Variants in ZSWIM7 observed in about 807,000 individuals in gnomAD.
The protein encoded by ZSWIM7 is zinc finger SWIM domain-containing protein 7.
A neutral mutation model predicts 21.1 loss-of-function variants in ZSWIM7; 22 were observed. That is an observed-to-expected ratio of 1.04 (90% CI 0.74 to 1.49). ZSWIM7 has a LOEUF of 1.49. Among genes scored for constraint, ZSWIM7 ranks in the 40% most tolerant of loss-of-function variants. The pLI is 0.00. For synonymous variants in ZSWIM7, 67 were observed against 66.5 expected (o/e 1.01, Z -0.04); for missense variants, 193 against 168.0 (o/e 1.15, Z -0.82).
chr17:15,999,644 A>T lies in ZSWIM7; in HGVS notation c.-50T>A, dbSNP rs1970646923. On this transcript the variant is annotated 5_prime_UTR_variant, in exon 1 of 5. Coordinates refer to ENST00000399277, the MANE Select transcript of ZSWIM7 (RefSeq NM_001042697.2). ...GACCGGCGGACCGCCGCGACGCTCC[A>T]GCTGACTGCGCCTACCTGTGGAGGA... 1.9e-6 allele frequency: 3 copies of T among 1,566,220 alleles called. No homozygotes were observed. Among genetic ancestry groups the T allele is most frequent in the Non-Finnish European group, 2.6e-6 (3 of 1,156,720 alleles).
At position 15,998,285 on chromosome 17, in the gene ZSWIM7, C is replaced by G. The variant is rs577937833; in HGVS notation, c.76+1234G>C. On this transcript the variant is annotated intron_variant, in intron 1 of 4. Transcript: ENST00000399277. ...GCTTTTTTCCCATCCTTTTTGGAAA[C>G]AAGTATGTTTGAATACTTGGCTGCA... Among the ~76,000 whole-genome samples the G allele has an allele frequency of 2.0e-5, 3 of 152,242 alleles. 1 individual carries two copies. Among genetic ancestry groups the G allele is most frequent in the African/African-American group, 7.2e-5 (3 of 41,564 alleles).
At chr17:15,983,876 C>T (rs1970382692) in intron 3 of ZSWIM7, among the ~76,000 whole-genome samples, 1 of 152,116 alleles carries the variant, frequency 6.6e-6, no homozygotes, top group African/African-American at 2.4e-5. Context: ...CATGAACCAC[C>T]ACTCCCGGCC....
intron 4 of ZSWIM7, among the ~76,000 whole-genome samples, chr17:15,978,455 G>T (rs1360171514): frequency 6.6e-6 from 1 of 152,156 alleles, no homozygotes; most frequent in African/African-American, 2.4e-5. Context: ...AAAATTAGCT[G>T]GGTGTGGCGG....
At position 15,981,123 on chromosome 17, in the gene ZSWIM7, T is replaced by C. The variant is rs1970350402; in HGVS notation, c.223A>G (p.Thr75Ala). 1.9e-6 allele frequency: 3 copies of C among 1,613,442 alleles called. No homozygotes were observed. Among genetic ancestry groups the C allele is most frequent in the African/African-American group, 1.3e-5 (1 of 74,846 alleles). ...TGACAAGAAGCCAAACATGTGTATG[T>C]TTTACTGGAACTTCCAAGGACCTAC... ...VYQVLGSSSK[T>A]YTCLASCHYC... The change falls in exon 4 of 5, where the codon ACA (threonine) becomes GCA (alanine). Residue 75 changes from threonine to alanine, a missense_variant. Coordinates refer to ENST00000399277, the MANE Select transcript of ZSWIM7 (RefSeq NM_001042697.2).
chr17:15,993,588 G>C (rs1341863313), intron 2 of ZSWIM7, among the ~76,000 whole-genome samples, 169 bp downstream of exon 2: 2 of 151,568 alleles, frequency 1.3e-5, no homozygotes, highest in Admixed American at 1.3e-4. Flanking sequence ...GGATGGTCTT[G>C]ATCTCCTGAC....
At chr17:15,979,941 C>G (rs1178916342) in intron 4 of ZSWIM7, among the ~76,000 whole-genome samples, 7 of 110,054 alleles carry the variant, frequency 6.4e-5, no homozygotes, top group Non-Finnish European at 1.3e-4. Flanking sequence ...GACGGGGCGG[C>G]TGGCCGGGCA....
chr17:15,996,366 G>A lies in ZSWIM7; in HGVS notation c.77-2588C>T, dbSNP rs113303015. On this transcript the variant is annotated intron_variant, in intron 1 of 4. Coordinates refer to ENST00000399277, the MANE Select transcript of ZSWIM7 (RefSeq NM_001042697.2). ...TTTCAGACATAAGCCTCAAACAGGG[G>A]CCGGTGTGGGGGCTCACAACTATAA... Among the ~76,000 whole-genome samples the A allele has an allele frequency of 2.0e-5, 3 of 152,152 alleles. 1 individual carries two copies. The highest frequency in any genetic ancestry group is 7.2e-5 in the African/African-American group (3 of 41,514).
At chr17:15,986,587 C>A (rs1970413830) in intron 3 of ZSWIM7, among the ~76,000 whole-genome samples, 1 of 151,756 alleles carries the variant, frequency 6.6e-6, no homozygotes, top group Non-Finnish European at 1.5e-5. Context: ...ATAGCAAGAC[C>A]CTGTCTTTAT....
At chr17:15,998,081 CAG>C (rs1970584103) in intron 1 of ZSWIM7, among the ~76,000 whole-genome samples, 1 of 150,764 alleles carries the variant, frequency 6.6e-6, no homozygotes, top group African/African-American at 2.5e-5. Context: ...GCCTGGGAGA[CAG>C]AGCAAGACTC....
chr17:15,978,076 A>AT lies in ZSWIM7; in HGVS notation c.393dup (p.Leu132IlefsTer15), dbSNP rs780715244. 2.5e-6 allele frequency: 4 copies of AT among 1,614,060 alleles called. No individual in the cohort carries two copies. The highest frequency in any genetic ancestry group is 2.5e-6 in the Non-Finnish European group (3 of 1,179,912). ...GCTTCTTGTTTCTTCTCCATCAATA[A>AT]TATGTCAGTCAACTGCTTGTCAGAG... On this transcript the variant is annotated frameshift_variant, in exon 5 of 5. Transcript: ENST00000399277. LOFTEE classifies it high-confidence loss of function.
At chr17:15,993,286 A>G (rs1399530914) in intron 2 of ZSWIM7, among the ~76,000 whole-genome samples, 1 of 152,132 alleles carries the variant, frequency 6.6e-6, no homozygotes, top group Non-Finnish European at 1.5e-5. Context: ...TTTGCCTCCC[A>G]AAGTGCTGAG....
rs1457865120 is a variant in ZSWIM7, at chr17:15,981,145, C to T, written c.202-1G>A. On this transcript the variant is annotated splice_acceptor_variant, in intron 3 of 4. Coordinates refer to ENST00000399277, the MANE Select transcript of ZSWIM7 (RefSeq NM_001042697.2). LOFTEE classifies it high-confidence loss of function. ...ATGTTTTACTGGAACTTCCAAGGACCTACAAAGAAAGGATAGATGGGATCA... is the reference window on the plus strand; with the variant it reads ...ATGTTTTACTGGAACTTCCAAGGACTTACAAAGAAAGGATAGATGGGATCA... 6.2e-7 allele frequency: 1 copy of T among 1,612,106 alleles called. No individual in the cohort carries two copies. Among genetic ancestry groups the T allele is most frequent in the Non-Finnish European group, 8.5e-7 (1 of 1,178,550 alleles).
intron 1 of ZSWIM7, among the ~76,000 whole-genome samples, chr17:15,998,363 G>C (rs948849475): frequency 1.3e-5 from 2 of 152,126 alleles, no homozygotes; most frequent in Admixed American, 1.3e-4. Context: ...CTGAGATGAG[G>C]AAACAAAGTT....
At chr17:15,982,331 A>G (rs1479040912) in intron 3 of ZSWIM7, among the ~76,000 whole-genome samples, 1 of 152,190 alleles carries the variant, frequency 6.6e-6, no homozygotes, top group African/African-American at 2.4e-5. Context: ...TAAGATTATT[A>G]TTAGTATCTG....
chr17:15,991,909 T>TTTG (rs1970487721), intron 2 of ZSWIM7, among the ~76,000 whole-genome samples: 1 of 100,524 alleles, frequency 9.9e-6, no homozygotes, highest in African/African-American at 4.5e-5. Flanking sequence ...GTTTTGTTTT[T>TTTG]TTTTGTTTGT....
chr17:15,984,385 C>T (rs747995485), intron 3 of ZSWIM7, among the ~76,000 whole-genome samples: 2 of 152,158 alleles, frequency 1.3e-5, no homozygotes, highest in Non-Finnish European at 2.9e-5. Flanking sequence ...AGTTTTCCCG[C>T]TTATAGTCTG....
In ZSWIM7 at chr17:15,990,663, G is replaced by T. The variant is rs573872190; in HGVS notation, c.98+3094C>A. 2.0e-5 allele frequency among the ~76,000 whole-genome samples: 3 copies of T among 152,230 alleles called. No individual in the cohort carries two copies. The South Asian group carries it at 6.2e-4, about 32-fold the overall frequency. On this transcript the variant is annotated intron_variant, in intron 2 of 4. Coordinates refer to ENST00000399277, the MANE Select transcript of ZSWIM7 (RefSeq NM_001042697.2). ...CACAGAGTAAGACAAACCTAGTAAG[G>T]CTTCAAAATTAAAATGTTCAACTTC... is the stretch of plus-strand genomic sequence containing the variant.
In ZSWIM7 at chr17:15,977,415, T is replaced by C. The variant is rs1970291281; in HGVS notation, c.*632A>G. Reference sequence around the variant, plus strand: ...ATTCAGTTAGTTACTTAAGACTAAATAGGGTCAGGCGCAGTGGCTCATGCA... The same window carrying C: ...ATTCAGTTAGTTACTTAAGACTAAACAGGGTCAGGCGCAGTGGCTCATGCA... On this transcript the variant is annotated 3_prime_UTR_variant, in exon 5 of 5. Transcript: ENST00000399277. 1 of 152,128 alleles carries C rather than the reference T, an allele frequency of 6.6e-6. No individual in the cohort carries two copies. Among genetic ancestry groups the C allele is most frequent in the Non-Finnish European group, 1.5e-5 (1 of 68,058 alleles). The allele number at this position is 152,128 out of a possible 1,614,324, so 9.4% of individuals were successfully genotyped here. A position where few individuals can be genotyped will look rare whatever the true frequency, so the allele number is the denominator to read the frequency against.
chr17:15,999,401 C>T (rs774187594), intron 1 of ZSWIM7, 118 bp downstream of exon 1: 2 of 1,278,664 alleles, frequency 1.6e-6, no homozygotes, highest in Non-Finnish European at 1.1e-6. Context: ...TTTAGAGAAC[C>T]ACATGGAAAA....
Sources: gnomAD v4.1 joint callset for allele counts (sites outside exome capture counted in the v4.1 genomes callset) on GRCh38, gnomAD v4.1.1 for gene constraint, MANE v1.5 for transcripts, NCBI Gene and HGNC (gene_info 2026-07-23, HGNC 2026-07-21) for gene names.